CACNA1A: variants seen among roughly 807,000 people sequenced by gnomAD.
CACNA1A encodes the protein calcium voltage-gated channel subunit alpha1 A.
A neutral mutation model predicts 262.4 loss-of-function variants in CACNA1A; 57 were observed. The ratio of observed to expected loss-of-function variants is 0.22; its 90% confidence interval spans 0.18 to 0.27. CACNA1A has a LOEUF of 0.27. Ranked by LOEUF, CACNA1A falls within the 10% of genes least tolerant of loss-of-function variation. The probability of loss-of-function intolerance (pLI) is 1.00; values close to 1 mark genes in which losing one functional copy is unlikely to be tolerated. For missense variants in CACNA1A, 2,526 were observed against 3,562.8 expected, an observed-to-expected ratio of 0.71 and a Z score of 7.41; for synonymous variants, 1,431 against 1,419.3, an observed-to-expected ratio of 1.01 and a Z score of -0.18.
chr19:13,224,507 A>C (rs1462044250), intron 38 of CACNA1A, among the ~76,000 whole-genome samples, 160 bp downstream of exon 38: 3 of 146,646 alleles, frequency 2.0e-5, no homozygotes, highest in South Asian at 2.2e-4. Context: ...AAAAAAAAAC[A>C]CCAAAACCCC....
intron 29 of CACNA1A, among the ~76,000 whole-genome samples, chr19:13,253,984 C>CT (rs2056473834): frequency 6.6e-6 from 1 of 152,154 alleles, no homozygotes; most frequent in African/African-American, 2.4e-5. Context: ...AGTGATCCGC[C>CT]TGCCTCGACC....
In CACNA1A at chr19:13,214,743, C is replaced by A; in HGVS notation, c.5732-135G>T. Reference sequence around the variant, plus strand: ...CCCCATGGGGTCTCCAGTTCCCCAACGGCCTGGCCCAGAGGAGGCCCTGGG... The same window carrying A: ...CCCCATGGGGTCTCCAGTTCCCCAAAGGCCTGGCCCAGAGGAGGCCCTGGG... On this transcript the variant is annotated intron_variant, in intron 38 of 46. Transcript: ENST00000360228. The surrounding 1 kb of genome is among the most constrained non-coding windows in gnomAD (Gnocchi z 4.1). 1 of 690,154 alleles carries A rather than the reference C, an allele frequency of 1.4e-6. No homozygotes were observed. The highest frequency in any genetic ancestry group is 1.8e-5 in the African/African-American group (1 of 56,358). 42.8% of individuals were successfully genotyped at this position (690,154 alleles called of 1,614,324 possible).
intron 24 of CACNA1A, chr19:13,271,630 T>A (rs899259647): frequency 6.6e-6 from 1 of 152,190 alleles, no homozygotes; most frequent in Non-Finnish European, 1.5e-5. Flanking sequence ...AGAAACAGCA[T>A]GTTGTAAACG....
At chr19:13,454,005 G>A (rs1316165307) in intron 2 of CACNA1A, among the ~76,000 whole-genome samples, 1 of 151,966 alleles carries the variant, frequency 6.6e-6, no homozygotes, top group East Asian at 2.0e-4. Flanking sequence ...GTTTCCTGGT[G>A]TACAGCTCCT....
intron 3 of CACNA1A, among the ~76,000 whole-genome samples, chr19:13,376,944 T>C (rs548901126): frequency 6.8e-6 from 1 of 146,836 alleles, no homozygotes; most frequent in South Asian, 2.1e-4. Flanking sequence ...TAATTTATAT[T>C]ACATATAACA....
intron 3 of CACNA1A, among the ~76,000 whole-genome samples, chr19:13,382,283 G>A (rs1367527695): frequency 1.3e-5 from 2 of 152,112 alleles, no homozygotes; most frequent in Admixed American, 6.6e-5. Context: ...CATCTCAGAC[G>A]GGTTAAATCC....
At chr19:13,307,612 T>C in intron 15 of CACNA1A, 170 bp downstream of exon 15, 1 of 607,320 alleles carries the variant, frequency 1.6e-6, no homozygotes, top group South Asian at 2.1e-5. Flanking sequence ...TCCTGATCTG[T>C]TGGCCTCACC....
intron 3 of CACNA1A, among the ~76,000 whole-genome samples, chr19:13,449,469 T>G (rs2060877076): frequency 6.6e-6 from 1 of 151,886 alleles, no homozygotes; most frequent in African/African-American, 2.4e-5. Context: ...AGCTGAATAT[T>G]TTATTACATT....
At chr19:13,381,253 C>T (rs1033059897) in intron 3 of CACNA1A, among the ~76,000 whole-genome samples, 13 of 151,852 alleles carry the variant, frequency 8.6e-5, no homozygotes, top group South Asian at 6.3e-4. Context: ...AAAAAATGGG[C>T]GGGGCATTGT....
intron 3 of CACNA1A, among the ~76,000 whole-genome samples, chr19:13,426,978 T>C (rs1159579810): frequency 1.3e-5 from 2 of 152,208 alleles, no homozygotes; most frequent in African/African-American, 4.8e-5. Context: ...GAAAGGCACA[T>C]TGTGTTGCAT....
intron 6 of CACNA1A, among the ~76,000 whole-genome samples, chr19:13,337,267 C>T (rs1234622945): frequency 6.6e-6 from 1 of 152,186 alleles, no homozygotes; most frequent in African/African-American, 2.4e-5. Flanking sequence ...GTCAGAAGGG[C>T]TGGTTCCTTC....
intron 1 of CACNA1A, among the ~76,000 whole-genome samples, chr19:13,472,770 G>A (rs1258734085): frequency 6.6e-6 from 1 of 152,104 alleles, no homozygotes; most frequent in Non-Finnish European, 1.5e-5. Context: ...TTCAGAGATG[G>A]GGCCTTGCTC....
At chr19:13,252,018 T>G (rs1018888130) in intron 30 of CACNA1A, among the ~76,000 whole-genome samples, 14 of 152,006 alleles carry the variant, frequency 9.2e-5, no homozygotes, top group Non-Finnish European at 1.8e-4. Flanking sequence ...TGCCTGCCTC[T>G]GCCTCCCAAA....
At chr19:13,466,008 G>C (rs957633182) in intron 1 of CACNA1A, among the ~76,000 whole-genome samples, 1 of 152,066 alleles carries the variant, frequency 6.6e-6, no homozygotes, top group African/African-American at 2.4e-5. Flanking sequence ...GAAGGTGGTG[G>C]GGAGGGGAGA....
At chr19:13,389,873 C>T (rs1309829615) in intron 3 of CACNA1A, among the ~76,000 whole-genome samples, 4 of 152,136 alleles carry the variant, frequency 2.6e-5, no homozygotes, top group African/African-American at 7.2e-5. Flanking sequence ...AGTGCAGTGG[C>T]GCAATCTCAG....
intron 3 of CACNA1A, among the ~76,000 whole-genome samples, chr19:13,447,275 C>T (rs914563216): frequency 6.6e-5 from 10 of 152,204 alleles, no homozygotes; most frequent in Admixed American, 3.3e-4. Context: ...AGCTCTCACC[C>T]TTAGGACCTA....
At chr19:13,323,363 T>C (rs2058294558) in intron 10 of CACNA1A, among the ~76,000 whole-genome samples, 1 of 152,254 alleles carries the variant, frequency 6.6e-6, no homozygotes, top group African/African-American at 2.4e-5. Context: ...TGCATTTCCC[T>C]GATGATGAGT....
chr19:13,261,696 G>A (rs2056737696), intron 25 of CACNA1A, 86 bp from the exon 26 acceptor site: 1 of 1,300,652 alleles, frequency 7.7e-7, no homozygotes, highest in African/African-American at 1.5e-5. Context: ...CCAAAATACT[G>A]CCATGATCAT....
At chr19:13,446,694 C>G (rs997257809) in intron 3 of CACNA1A, among the ~76,000 whole-genome samples, 1 of 149,044 alleles carries the variant, frequency 6.7e-6, no homozygotes, top group Non-Finnish European at 1.5e-5. Context: ...TGACTTCAAG[C>G]GATCTGCCCG....
Sources: allele counts gnomAD v4.1 joint callset (sites outside exome capture counted in the v4.1 genomes callset), GRCh38; gene constraint gnomAD v4.1.1; non-coding constraint Gnocchi (gnomAD v3.1); transcripts MANE v1.5; gene names NCBI Gene and HGNC (gene_info 2026-07-23, HGNC 2026-07-21).